Variants in RAB11FIP4 observed in about 807,000 individuals in gnomAD.
The protein encoded by RAB11FIP4 is rab11 family-interacting protein 4.
Under a neutral mutation model 74.3 loss-of-function variants are expected in RAB11FIP4, and 23 were observed. The ratio of observed to expected loss-of-function variants is 0.31; its 90% CI spans 0.22 to 0.44. RAB11FIP4 has a LOEUF of 0.44. Ranked by LOEUF, RAB11FIP4 falls within the 20% of genes least tolerant of loss-of-function variation. RAB11FIP4 has a pLI of 1.00. For missense variants in RAB11FIP4, 630 were observed against 863.9 expected (o/e 0.73, Z 3.39); for synonymous variants, 360 against 359.9 (o/e 1.00, Z 0.00).
At chr17:31,456,565 A>C (rs1276203009) in intron 3 of RAB11FIP4, among the ~76,000 whole-genome samples, 3 of 152,102 alleles carry the variant, frequency 2.0e-5, no homozygotes, top group African/African-American at 4.8e-5. Flanking sequence ...ATGAAATGAT[A>C]CCTTTTTACA....
chr17:31,449,106 T>A (rs1331531242), intron 3 of RAB11FIP4, among the ~76,000 whole-genome samples: 1 of 151,996 alleles, frequency 6.6e-6, no homozygotes, highest in Non-Finnish European at 1.5e-5. Flanking sequence ...TTCCCTCCCC[T>A]TCCCATTCCC....
At chr17:31,477,816 C>A (rs1375252419) in intron 3 of RAB11FIP4, among the ~76,000 whole-genome samples, 1 of 152,074 alleles carries the variant, frequency 6.6e-6, no homozygotes, top group Non-Finnish European at 1.5e-5. Flanking sequence ...ACTCCTGGCT[C>A]TCAACTTACT....
At chr17:31,503,954 G>A (rs1034861637) in intron 3 of RAB11FIP4, among the ~76,000 whole-genome samples, 2 of 149,538 alleles carry the variant, frequency 1.3e-5, no homozygotes, top group African/African-American at 5.1e-5. Context: ...CATATGAAAG[G>A]TGCTCAACAT....
intron 3 of RAB11FIP4, among the ~76,000 whole-genome samples, chr17:31,487,642 G>A (rs1187062525): frequency 1.3e-5 from 2 of 152,152 alleles, no homozygotes; most frequent in Non-Finnish European, 2.9e-5. Flanking sequence ...GGACCGTGTG[G>A]GGCGGGGTGC....
At chr17:31,411,546 C>T (rs895661120) in intron 1 of RAB11FIP4, among the ~76,000 whole-genome samples, 2 of 152,208 alleles carry the variant, frequency 1.3e-5, no homozygotes, top group Non-Finnish European at 2.9e-5. Flanking sequence ...AGGTGCCACA[C>T]GCCTGAGTCC....
intron 3 of RAB11FIP4, among the ~76,000 whole-genome samples, chr17:31,459,988 G>A (rs1051556629): frequency 1.4e-4 from 21 of 152,166 alleles, no homozygotes; most frequent in African/African-American, 4.1e-4. Flanking sequence ...CTGCCTTGCG[G>A]TCACTCCCGG....
chr17:31,480,485 T>C (rs1482771071), intron 3 of RAB11FIP4, among the ~76,000 whole-genome samples: 1 of 152,016 alleles, frequency 6.6e-6, no homozygotes, highest in Middle Eastern at 3.2e-3. Flanking sequence ...GGTGCCTAAA[T>C]CCATAGTGAA....
intron 3 of RAB11FIP4, among the ~76,000 whole-genome samples, chr17:31,499,813 A>C (rs2072184690): frequency 6.6e-6 from 1 of 152,128 alleles, no homozygotes; most frequent in Admixed American, 6.5e-5. Context: ...TGTAGACAGG[A>C]GATCTTTGTG....
rs142231729 is a variant in RAB11FIP4, at chr17:31,415,343, T to A, written c.160-16470T>A. ...GACGAATCTGCCTCCGTTCTTGTCA[T>A]TATTTCTTGACTTTATAGAAGAGGG... On this transcript the variant is annotated intron_variant, in intron 1 of 14. Transcript: ENST00000621161. 2.2e-3 allele frequency among the ~76,000 whole-genome samples: 342 copies of A among 152,282 alleles called. 2 individuals are homozygous for A. Among genetic ancestry groups the A allele is most frequent in the African/African-American group, 7.7e-3 (318 of 41,566 alleles).
Position 31,537,259 on chromosome 17 carries a change from C to G in RAB11FIP4, c.*5527C>G, listed in dbSNP as rs1284129719. 1.5e-5 allele frequency: 6 copies of G among 398,958 alleles called. No homozygotes were observed. The highest frequency in any genetic ancestry group is 2.2e-5 in the Non-Finnish European group (5 of 226,106). 24.7% of individuals were successfully genotyped at this position (398,958 alleles called of 1,614,324 possible). ...AAATGTGTACTTTTTCAACGTGCCT[C>G]CCCCAGGTGAGGCCAGCTCTCCCGG... On this transcript the variant is annotated 3_prime_UTR_variant, in exon 15 of 15. Transcript: ENST00000621161.
chr17:31,403,328 CTTTT>C (rs565010724), intron 1 of RAB11FIP4, among the ~76,000 whole-genome samples: 1 of 146,754 alleles, frequency 6.8e-6, no homozygotes, highest in African/African-American at 2.5e-5. Context: ...TTCTTTCTTT[CTTTT>C]TTTTTTTTGA....
chr17:31,451,046 C>T (rs2071522293), intron 3 of RAB11FIP4, among the ~76,000 whole-genome samples: 1 of 152,194 alleles, frequency 6.6e-6, no homozygotes, highest in East Asian at 1.9e-4. Context: ...CCACTTCCCT[C>T]CACCTTGGAG....
chr17:31,525,475 T>C (rs1269061004), intron 10 of RAB11FIP4: 6 of 534,904 alleles, frequency 1.1e-5, no homozygotes, highest in Non-Finnish European at 2.0e-5. Flanking sequence ...ACCACACAAA[T>C]GTCTGTCAGA....
chr17:31,496,961 A>C (rs561577830), intron 3 of RAB11FIP4, among the ~76,000 whole-genome samples: 10 of 152,104 alleles, frequency 6.6e-5, no homozygotes, highest in Non-Finnish European at 2.9e-5. Context: ...GAATTACTTA[A>C]CCTCCTTGAA....
intron 3 of RAB11FIP4, among the ~76,000 whole-genome samples, chr17:31,504,134 T>A (rs1377439461): frequency 7.0e-6 from 1 of 142,576 alleles, no homozygotes; most frequent in East Asian, 2.0e-4. Context: ...TACTACTTCT[T>A]TTTTTTTTTT....
chr17:31,451,283 A>AC (rs562215038), intron 3 of RAB11FIP4, among the ~76,000 whole-genome samples: 1 of 151,752 alleles, frequency 6.6e-6, no homozygotes, highest in South Asian at 2.1e-4. Context: ...ACATGGTGAA[A>AC]CCCCGTCTCT....
intron 9 of RAB11FIP4, 65 bp from the exon 10 acceptor site, chr17:31,525,025 G>A (rs1427604438): frequency 7.8e-6 from 12 of 1,547,020 alleles, no homozygotes; most frequent in Non-Finnish European, 1.0e-5. Context: ...GGTCCCCCGT[G>A]CCACAGCCTG....
At chr17:31,469,197 C>G (rs937526682) in intron 3 of RAB11FIP4, among the ~76,000 whole-genome samples, 1 of 152,130 alleles carries the variant, frequency 6.6e-6, no homozygotes, top group African/African-American at 2.4e-5. Context: ...TAATATGTAG[C>G]GTTCACGATG....
chr17:31,471,970 G>T (rs1016372260), intron 3 of RAB11FIP4, among the ~76,000 whole-genome samples: 2 of 152,070 alleles, frequency 1.3e-5, no homozygotes, highest in South Asian at 4.1e-4. Flanking sequence ...AGACCATCCC[G>T]GCCAACATAG....
Sources: gnomAD v4.1 joint callset for allele counts (sites outside exome capture counted in the v4.1 genomes callset) on GRCh38, gnomAD v4.1.1 for gene constraint, MANE v1.5 for transcripts, NCBI Gene and HGNC (gene_info 2026-07-23, HGNC 2026-07-21) for gene names.